Variants in RNF4 observed in about 807,000 individuals in gnomAD.
RNF4 encodes the protein ring finger protein 4, also known as E3 ubiquitin-protein ligase RNF4.
A neutral mutation model predicts 24.3 loss-of-function variants in RNF4; 7 were observed. The observed-to-expected ratio is 0.29, with a 90% confidence interval of 0.16 to 0.54. The LOEUF (loss-of-function observed/expected upper bound fraction) is 0.54, where lower values mean the gene tolerates loss of function less well. Ranked by LOEUF, RNF4 falls within the 20% of genes least tolerant of loss-of-function variation. The pLI is 0.95. For synonymous variants in RNF4, 83 were observed against 84.3 expected (o/e 0.98, Z 0.09); for missense variants, 209 against 248.5 (o/e 0.84, Z 1.07).
At chr4:2,491,404 T>C (rs1735575415) in intron 2 of RNF4, among the ~76,000 whole-genome samples, 1 of 152,056 alleles carries the variant, frequency 6.6e-6, no homozygotes, top group South Asian at 2.1e-4. Context: ...GCCCAGCTAA[T>C]TTTGTATTTT....
At position 2,512,207 on chromosome 4, in the gene RNF4, G is replaced by C; in HGVS notation, c.215-231G>C. On this transcript the variant is annotated intron_variant, in intron 5 of 7. Transcript: ENST00000314289. The surrounding 1 kb of genome is among the most constrained non-coding windows in gnomAD (Gnocchi z 4.1). ...CCTTTCTTGTGGCCTACCAGATTTT[G>C]GAGAAGGCTGGTAGCTCACAGCAGG... is the stretch of plus-strand genomic sequence containing the variant. 1 of 647,832 alleles carries C rather than the reference G, an allele frequency of 1.5e-6. No individual in the cohort carries two copies. Among genetic ancestry groups the C allele is most frequent in the Non-Finnish European group, 2.7e-6 (1 of 375,380 alleles). The allele number at this position is 647,832 out of a possible 1,614,324, so 40.1% of individuals were successfully genotyped here.
At position 2,489,720 on chromosome 4, in the gene RNF4, C is replaced by T. The variant is rs569593819; in HGVS notation, c.-157-617C>T. On this transcript the variant is annotated intron_variant, in intron 1 of 7. Transcript: ENST00000314289. The stretch of plus-strand genomic sequence containing the variant: ...GGCTCCATTAACCATGCGTCGCTGA[C>T]GCTGAGTTTACCGTGGTCGGCCTCG... 6 of 152,376 alleles carry T rather than the reference C, an allele frequency of 3.9e-5. No individual in the cohort carries two copies. The South Asian group carries it at 1.2e-3, about 32-fold the overall frequency. The allele number at this position is 152,376 out of a possible 1,614,324, so 9.4% of individuals were successfully genotyped here. A position where few individuals can be genotyped will look rare whatever the true frequency, so the allele number is the denominator to read the frequency against.
In RNF4 at chr4:2,513,789, C is replaced by A. The variant is rs781269666; in HGVS notation, c.543C>A (p.Asn181Lys). Residue 181 changes from asparagine to lysine, a missense_variant, in exon 8 of 8, where the codon AAC becomes AAA. By Grantham distance (94) the Asn-to-Lys change is moderately conservative. This residue lies in a region of RNF4 where 17 missense variants were observed against 16.2 expected (regional missense o/e 1.05). Coordinates refer to ENST00000314289, the MANE Select transcript of RNF4 (RefSeq NM_002938.5). ...GCCCAACTTGTAGGAAAAAGATCAA[C>A]CACAAACGGTACCACCCCATTTATA... ...NTCPTCRKKI[N>K]HKRYHPIYI The A allele has an allele frequency of 1.3e-4, 203 of 1,613,860 alleles. No homozygotes were observed. The highest frequency in any genetic ancestry group is 4.2e-6 in the Non-Finnish European group (5 of 1,179,896).
chr4:2,498,919 G>C (rs1340464007), intron 3 of RNF4, among the ~76,000 whole-genome samples: 1 of 151,516 alleles, frequency 6.6e-6, no homozygotes, highest in Non-Finnish European at 1.5e-5. Context: ...ACGTTGGGTT[G>C]GGCGCCATGG....
At chr4:2,481,984 C>A (rs1735259257) in intron 1 of RNF4, among the ~76,000 whole-genome samples, 1 of 152,176 alleles carries the variant, frequency 6.6e-6, no homozygotes, top group Non-Finnish European at 1.5e-5. Context: ...TGAAGAGGGC[C>A]TAGATTAGGG....
In RNF4 at chr4:2,512,161, C is replaced by A; in HGVS notation, c.214+196C>A. On this transcript the variant is annotated intron_variant, in intron 5 of 7. Transcript: ENST00000314289. This position sits in a 1 kb window ranked among gnomAD's most constrained non-coding sequence, Gnocchi z 4.1. ...CCTGCTGAAGAAACTTCACCACTAT[C>A]ATTGAGCACTGAGCTATAGTCCTTT... 1.5e-6 allele frequency: 1 copy of A among 645,802 alleles called. No homozygotes were observed. Among genetic ancestry groups the A allele is most frequent in the Non-Finnish European group, 2.7e-6 (1 of 369,172 alleles). The allele number at this position is 645,802 out of a possible 1,614,324, so 40.0% of individuals were successfully genotyped here.
At chr4:2,506,154 A>G (rs991702176) in intron 4 of RNF4, 8 of 150,862 alleles carry the variant, frequency 5.3e-5, no homozygotes, top group African/African-American at 1.7e-4. Flanking sequence ...CGTTGAAAAA[A>G]TTGAACTAGA....
At chr4:2,494,672 A>C (rs1170389510) in intron 2 of RNF4, 1 of 152,082 alleles carries the variant, frequency 6.6e-6, no homozygotes, top group Non-Finnish European at 1.5e-5. Flanking sequence ...GCGCCACCAC[A>C]CCTGGCCAGA....
chr4:2,490,092 T>TG (rs1231556540), intron 1 of RNF4, among the ~76,000 whole-genome samples: 1 of 152,094 alleles, frequency 6.6e-6, no homozygotes, highest in Non-Finnish European at 1.5e-5. Flanking sequence ...CTTGCCAAGG[T>TG]GGCAGGAGCC....
At chr4:2,469,662 C>T (rs926377690) in intron 1 of RNF4, 5 of 152,258 alleles carry the variant, frequency 3.3e-5, no homozygotes, top group African/African-American at 1.2e-4. Flanking sequence ...TTTGTGTGTT[C>T]GCGCCGCCGC....
chr4:2,497,340 T>TA (rs1310963680), intron 3 of RNF4: 85 of 351,528 alleles, frequency 2.4e-4, no homozygotes, highest in Middle Eastern at 1.5e-3. Context: ...AGGATCCATT[T>TA]AAAAAAAAAT....
At chr4:2,509,293 C>G (rs1736198311) in intron 4 of RNF4, among the ~76,000 whole-genome samples, 1 of 152,068 alleles carries the variant, frequency 6.6e-6, no homozygotes, top group African/African-American at 2.4e-5. Flanking sequence ...CCTCGGCTCA[C>G]TGCCCCCTCC....
chr4:2,513,257 C>T, intron 7 of RNF4, 126 bp downstream of exon 7: 1 of 877,692 alleles, frequency 1.1e-6, no homozygotes, highest in Non-Finnish European at 1.9e-6. Flanking sequence ...CCTGGGCCGT[C>T]ACTTATTGCA....
intron 2 of RNF4, among the ~76,000 whole-genome samples, chr4:2,491,450 AT>A (rs1372210835): frequency 1.3e-5 from 2 of 151,370 alleles, no homozygotes; most frequent in African/African-American, 2.4e-5. Context: ...TGGCCAGGCT[AT>A]TTTGGTTTGT....
chr4:2,512,644 G>A lies in RNF4; in HGVS notation c.374+47G>A, dbSNP rs1405956819. On this transcript the variant is annotated intron_variant, in intron 6 of 7. Transcript: ENST00000314289. The surrounding 1 kb of genome is among the most constrained non-coding windows in gnomAD (Gnocchi z 4.1). ...TGCTGCCGCCATGCTAGGATGTGGG[G>A]CCAGGGCATGGGAATACTTTTCAGC... 2 of 1,602,646 alleles carry A rather than the reference G, an allele frequency of 1.2e-6. No homozygotes were observed. The highest frequency in any genetic ancestry group is 1.1e-5 in the South Asian group (1 of 89,680).
intron 2 of RNF4, among the ~76,000 whole-genome samples, chr4:2,491,611 T>A (rs541171719): frequency 3.5e-4 from 53 of 152,046 alleles, no homozygotes; most frequent in Non-Finnish European, 6.8e-4. Context: ...CCCAGCTGAT[T>A]TTGTATTTTT....
rs1300480088 is a variant in RNF4, at chr4:2,513,832, C to A, written c.*13C>A. On this transcript the variant is annotated 3_prime_UTR_variant, in exon 8 of 8. Transcript: ENST00000314289. ...CATTTATATATGAAGTATTCAGAGC[C>A]CCCCAGGAGAGACGGATGGACAGAC... is the stretch of plus-strand genomic sequence containing the variant. 4 of 1,613,630 alleles carry A rather than the reference C, an allele frequency of 2.5e-6. No individual in the cohort carries two copies. Among genetic ancestry groups the A allele is most frequent in the Non-Finnish European group, 2.5e-6 (3 of 1,179,836 alleles).
rs1182588172 is a variant in RNF4, at chr4:2,504,726, A to ATTTTTTTTTTTTTTTTTT, written c.204+3992_204+4009dup. 6.5e-5 allele frequency among the ~76,000 whole-genome samples: 4 copies of ATTTTTTTTTTTTTTTTTT among 61,116 alleles called. 1 individual carries two copies. The highest frequency in any genetic ancestry group is 2.4e-4 in the African/African-American group (4 of 16,352). The allele number at this position is 61,116 out of a possible 152,430, so 40.1% of individuals were successfully genotyped here. ...CCACCATGCCCGGCTCATTTTTTGT[A>ATTTTTTTTTTTTTTTTTT]TTTTTTTTTTTTTTTTTTTTTGAGA... On this transcript the variant is annotated intron_variant, in intron 4 of 7. Transcript: ENST00000314289.
intron 2 of RNF4, among the ~76,000 whole-genome samples, chr4:2,492,317 A>G (rs930325184): frequency 1.6e-4 from 24 of 152,128 alleles, no homozygotes; most frequent in African/African-American, 4.8e-4. Context: ...GTGAGCGACA[A>G]TACCCAGACT....
Sources: allele counts gnomAD v4.1 joint callset (sites outside exome capture counted in the v4.1 genomes callset), GRCh38; gene constraint gnomAD v4.1.1; regional missense constraint gnomAD v4.1.1; non-coding constraint Gnocchi (gnomAD v3.1); transcripts MANE v1.5; gene names NCBI Gene and HGNC (gene_info 2026-07-23, HGNC 2026-07-21).